ARFIP1: variants seen among roughly 807,000 people sequenced by gnomAD.
ARFIP1 encodes arfaptin-1.
Under a neutral mutation model 42.5 loss-of-function variants are expected in ARFIP1, and 24 were observed. That is an observed-to-expected ratio of 0.57 (90% CI 0.41 to 0.80). The LOEUF is 0.80. Among genes scored for constraint, ARFIP1 ranks in the 30% least tolerant of loss-of-function variants. The probability of loss-of-function intolerance (pLI) is 0.00; values close to 1 mark genes in which losing one functional copy is unlikely to be tolerated. For synonymous variants in ARFIP1, 141 were observed against 153.7 expected (o/e 0.92, Z 0.61); for missense variants, 354 against 434.0 (o/e 0.82, Z 1.64).
chr4:152,796,350 G>A (rs1578814550), intron 1 of ARFIP1: 2 of 738,546 alleles, frequency 2.7e-6, no homozygotes, highest in East Asian at 4.9e-5. Flanking sequence ...TCATATTTAG[G>A]TGGTTTTCTT....
intron 1 of ARFIP1, among the ~76,000 whole-genome samples, chr4:152,785,246 A>G (rs755293447): frequency 2.1e-4 from 32 of 152,204 alleles, no homozygotes; most frequent in Non-Finnish European, 3.8e-4. Flanking sequence ...TTTAGCATGT[A>G]ATAATTTACA....
chr4:152,900,821 A>G (rs1347494999), intron 8 of ARFIP1, among the ~76,000 whole-genome samples: 1 of 152,224 alleles, frequency 6.6e-6, no homozygotes, highest in Non-Finnish European at 1.5e-5. Flanking sequence ...TCTTACCAAA[A>G]TATGATTTTT....
intron 2 of ARFIP1, among the ~76,000 whole-genome samples, chr4:152,843,730 C>T (rs890710516): frequency 3.9e-5 from 6 of 152,114 alleles, no homozygotes; most frequent in South Asian, 2.1e-4. Flanking sequence ...TCACGCAGCT[C>T]GCACGCAAAC....
At chr4:152,835,359 C>T (rs1329427413) in intron 2 of ARFIP1, among the ~76,000 whole-genome samples, 3 of 152,224 alleles carry the variant, frequency 2.0e-5, no homozygotes, top group Non-Finnish European at 4.4e-5. Context: ...TGCCAGATAA[C>T]CTAATTTGTC....
intron 2 of ARFIP1, among the ~76,000 whole-genome samples, chr4:152,859,837 A>G (rs76396516): frequency 2.7e-5 from 4 of 150,108 alleles, no homozygotes; most frequent in African/African-American, 9.8e-5. Context: ...AATTCTATCT[A>G]GTTGCCCTGT....
chr4:152,848,420 A>G (rs1188051219), intron 2 of ARFIP1, among the ~76,000 whole-genome samples: 2 of 152,332 alleles, frequency 1.3e-5, no homozygotes, highest in East Asian at 1.9e-4. Context: ...GTAATCTTAT[A>G]TTTGATACAT....
intron 1 of ARFIP1, among the ~76,000 whole-genome samples, chr4:152,795,734 T>G (rs369743191): frequency 1.3e-5 from 2 of 151,772 alleles, no homozygotes; most frequent in East Asian, 1.9e-4. Context: ...GTCTAATAGA[T>G]GAGAAATGGT....
chr4:152,832,031 A>G (rs1032911964), intron 2 of ARFIP1, among the ~76,000 whole-genome samples: 18 of 150,458 alleles, frequency 1.2e-4, no homozygotes, highest in African/African-American at 4.4e-4. Flanking sequence ...GCTGATTGTT[A>G]TCTAGGTTGT....
intron 5 of ARFIP1, among the ~76,000 whole-genome samples, chr4:152,879,195 AAG>A (rs1735620568): frequency 6.6e-6 from 1 of 152,106 alleles, no homozygotes; most frequent in South Asian, 2.1e-4. Flanking sequence ...AAAAAAAAAA[AAG>A]TTTATAAGGC....
chr4:152,902,743 A>G (rs1181075648), intron 8 of ARFIP1, among the ~76,000 whole-genome samples: 1 of 152,142 alleles, frequency 6.6e-6, no homozygotes, highest in Non-Finnish European at 1.5e-5. Flanking sequence ...TTCCTGGAAC[A>G]TTTTGGCTTT....
chr4:152,889,597 A>G (rs1736578584), intron 8 of ARFIP1, among the ~76,000 whole-genome samples: 1 of 97,376 alleles, frequency 1.0e-5, no homozygotes, highest in Non-Finnish European at 2.1e-5. Flanking sequence ...ACACATAAAT[A>G]TATATATACT....
intron 8 of ARFIP1, among the ~76,000 whole-genome samples, chr4:152,893,245 C>T (rs751910394): frequency 6.6e-6 from 1 of 152,158 alleles, no homozygotes; most frequent in Non-Finnish European, 1.5e-5. Context: ...AAAGTCAACT[C>T]GGAGAGGATA....
chr4:152,807,960 A>AACATT (rs1241227511), intron 1 of ARFIP1, among the ~76,000 whole-genome samples: 5 of 151,928 alleles, frequency 3.3e-5, no homozygotes, highest in African/African-American at 1.2e-4. Flanking sequence ...TCATTTGCTG[A>AACATT]ACATTATGTC....
Position 152,866,428 on chromosome 4 carries a change from C to T in ARFIP1, c.202+2714C>T, listed in dbSNP as rs1223795085. ...GGTGGCTGGGCAGAGGGGCTCCTCA[C>T]TTCCCAGTAGGGGCGGCCGGGCAGA... On this transcript the variant is annotated intron_variant, in intron 3 of 8. Coordinates refer to ENST00000353617, the MANE Select transcript of ARFIP1 (RefSeq NM_001025595.3). Among the ~76,000 whole-genome samples, 7 of 152,278 alleles carry T rather than the reference C, an allele frequency of 4.6e-5. No homozygotes were observed. In the East Asian group the frequency reaches 1.4e-3, roughly 29 times the overall value.
At chr4:152,827,164 C>T (rs577218291) in intron 1 of ARFIP1, among the ~76,000 whole-genome samples, 8 of 152,220 alleles carry the variant, frequency 5.3e-5, no homozygotes, top group South Asian at 2.1e-4. Context: ...TTTTATGTTA[C>T]GTGTTTTTTA....
chr4:152,784,736 A>G (rs534229748), intron 1 of ARFIP1, among the ~76,000 whole-genome samples: 2 of 152,374 alleles, frequency 1.3e-5, no homozygotes, highest in South Asian at 4.1e-4. Flanking sequence ...TTGAAAGACA[A>G]AGATTTGGGG....
chr4:152,828,180 A>G (rs894807806), intron 1 of ARFIP1, among the ~76,000 whole-genome samples: 1 of 152,180 alleles, frequency 6.6e-6, no homozygotes, highest in Non-Finnish European at 1.5e-5. Context: ...TCTGTGTGTA[A>G]ATTTTTCTGT....
Position 152,847,124 on chromosome 4 carries a change from C to CTTTTTTTTTTTTT in ARFIP1, c.94-16470_94-16458dup, listed in dbSNP as rs771661005. The stretch of plus-strand genomic sequence containing the variant: ...GTATGTTAATGTTTTTAGGTTTGTT[C>CTTTTTTTTTTTTT]TTTTTTTTTTTTTTTTTTTTTTTTG... On this transcript the variant is annotated intron_variant, in intron 2 of 8. Transcript: ENST00000353617. Among the ~76,000 whole-genome samples, 309 of 40,538 alleles carry CTTTTTTTTTTTTT rather than the reference C, an allele frequency of 7.6e-3. 65 individuals carry two copies. Among genetic ancestry groups the CTTTTTTTTTTTTT allele is most frequent in the African/African-American group, 0.019 (196 of 10,412 alleles). 26.6% of individuals were successfully genotyped at this position (40,538 alleles called of 152,430 possible). A position where few individuals can be genotyped will look rare whatever the true frequency, so the allele number is the denominator to read the frequency against.
intron 5 of ARFIP1, among the ~76,000 whole-genome samples, chr4:152,878,811 C>T (rs1735581772): frequency 6.6e-6 from 1 of 152,152 alleles, no homozygotes; most frequent in African/African-American, 2.4e-5. Flanking sequence ...AATCCTTCTT[C>T]AATGAATTCT....
Sources: gnomAD v4.1 joint callset for allele counts (sites outside exome capture counted in the v4.1 genomes callset) on GRCh38, gnomAD v4.1.1 for gene constraint, MANE v1.5 for transcripts, NCBI Gene and HGNC (gene_info 2026-07-23, HGNC 2026-07-21) for gene names.